The following CYP20A1 variants were observed in gnomAD, a reference collection of about 807,000 sequenced individuals.
The protein encoded by CYP20A1 is cytochrome P450 20A1.
Under a neutral mutation model 61.4 loss-of-function variants are expected in CYP20A1, and 61 were observed. The observed-to-expected ratio is 0.99, with a 90% confidence interval of 0.81 to 1.23. The LOEUF (loss-of-function observed/expected upper bound fraction) is 1.23. Among genes scored for constraint, CYP20A1 ranks in the 50% most tolerant of loss-of-function variants. The pLI, the probability that CYP20A1 is intolerant of heterozygous loss-of-function variation, is 0.00. For synonymous variants in CYP20A1, 193 were observed against 188.2 expected (o/e 1.03, Z -0.21); for missense variants, 530 against 542.4 (o/e 0.98, Z 0.23).
In CYP20A1 at chr2:203,246,906, A is replaced by G. The variant is rs1393377714; in HGVS notation, c.274A>G (p.Asn92Asp). The G allele has an allele frequency of 6.2e-7, 1 of 1,612,736 alleles. No homozygotes were observed. Among genetic ancestry groups the G allele is most frequent in the African/African-American group, 1.3e-5 (1 of 74,812 alleles). ...TGTTGATGTACTGAAGCAGCATATC[A>G]ATCCCAATAAGACATGTAAGTTTAA... The part of the protein sequence containing the change: ...GTVDVLKQHI[N>D]PNKTSDPFET... Residue 92 changes from asparagine to aspartate, a missense_variant, in exon 3 of 13, where the codon AAT becomes GAT. By Grantham distance (23) the Asn-to-Asp change is conservative. Coordinates refer to ENST00000356079, the MANE Select transcript of CYP20A1 (RefSeq NM_177538.3).
intron 9 of CYP20A1, among the ~76,000 whole-genome samples, chr2:203,286,713 G>T (rs532899762): frequency 1.3e-5 from 2 of 152,146 alleles, no homozygotes; most frequent in Non-Finnish European, 2.9e-5. Context: ...TGAAGAAAAT[G>T]AAACTATCAT....
At chr2:203,244,827 G>A (rs1409679151) in intron 1 of CYP20A1, among the ~76,000 whole-genome samples, 4 of 150,460 alleles carry the variant, frequency 2.7e-5, no homozygotes, top group Admixed American at 6.7e-5. Flanking sequence ...CCGCCTCCCA[G>A]GTTCACGCCA....
chr2:203,270,606 A>G (rs1242972684), intron 5 of CYP20A1, among the ~76,000 whole-genome samples: 1 of 152,048 alleles, frequency 6.6e-6, no homozygotes, highest in Non-Finnish European at 1.5e-5. Context: ...TCAGTATCAC[A>G]AATGTTACTG....
chr2:203,287,232 A>G (rs1430829910), intron 9 of CYP20A1, among the ~76,000 whole-genome samples: 6 of 150,874 alleles, frequency 4.0e-5, no homozygotes, highest in East Asian at 3.9e-4. Context: ...AAAAAAAAAA[A>G]AAAAAAAGAA....
At chr2:203,257,050 A>G (rs1014628883) in intron 4 of CYP20A1, among the ~76,000 whole-genome samples, 1 of 151,772 alleles carries the variant, frequency 6.6e-6, no homozygotes, top group South Asian at 2.1e-4. Flanking sequence ...AAATTTTCAC[A>G]TACAGTTGGG....
intron 4 of CYP20A1, among the ~76,000 whole-genome samples, chr2:203,260,763 A>G (rs532416989): frequency 6.6e-6 from 1 of 152,286 alleles, no homozygotes; most frequent in Non-Finnish European, 1.5e-5. Context: ...ACTTCAAGCC[A>G]TCATCTGTCC....
chr2:203,266,402 G>T, intron 4 of CYP20A1, 112 bp from the exon 5 acceptor site: 1 of 886,380 alleles, frequency 1.1e-6, no homozygotes. Context: ...CCTGAATGTT[G>T]ACTTTGGTTA....
chr2:203,273,905 C>G (rs1180623451), intron 6 of CYP20A1, among the ~76,000 whole-genome samples: 1 of 152,116 alleles, frequency 6.6e-6, no homozygotes, highest in Non-Finnish European at 1.5e-5. Flanking sequence ...TGAGATCGTG[C>G]CACTGCACTC....
chr2:203,249,506 A>C (rs565619841), intron 3 of CYP20A1, among the ~76,000 whole-genome samples: 40 of 152,334 alleles, frequency 2.6e-4, no homozygotes, highest in Admixed American at 1.0e-3. Flanking sequence ...ATGGAAAAGT[A>C]ATTTACCACC....
intron 8 of CYP20A1, among the ~76,000 whole-genome samples, chr2:203,285,381 C>T (rs1362537928): frequency 6.6e-6 from 1 of 152,058 alleles, no homozygotes; most frequent in Non-Finnish European, 1.5e-5. Flanking sequence ...AGAAAGAAGG[C>T]ATCCAGATTG....
At chr2:203,269,331 T>G (rs1198905136) in intron 5 of CYP20A1, among the ~76,000 whole-genome samples, 1 of 148,264 alleles carries the variant, frequency 6.7e-6, no homozygotes, top group Non-Finnish European at 1.5e-5. Context: ...CATGCACGCC[T>G]GTAGTCCCAG....
intron 8 of CYP20A1, among the ~76,000 whole-genome samples, chr2:203,284,503 C>T (rs940896667): frequency 1.1e-4 from 16 of 151,992 alleles, no homozygotes; most frequent in Non-Finnish European, 1.9e-4. Flanking sequence ...GTTTTTTTCT[C>T]AACATGTAAT....
At chr2:203,285,166 C>T (rs910837946) in intron 8 of CYP20A1, among the ~76,000 whole-genome samples, 4 of 152,088 alleles carry the variant, frequency 2.6e-5, no homozygotes, top group African/African-American at 4.8e-5. Flanking sequence ...ATTGATTTAT[C>T]GATAAATCTG....
intron 6 of CYP20A1, among the ~76,000 whole-genome samples, chr2:203,276,231 G>A (rs527273678): frequency 2.2e-4 from 33 of 152,302 alleles, no homozygotes; most frequent in African/African-American, 6.7e-4. Context: ...AGTGAGAAGA[G>A]GAGCAGAAGA....
rs113333205 is a variant in CYP20A1 at position 203,302,004 on chromosome 2, C to T, written c.*5096C>T. Among the ~76,000 whole-genome samples the T allele has an allele frequency of 2.7e-5, 4 of 147,954 alleles. No homozygotes were observed. Among genetic ancestry groups the T allele is most frequent in the Non-Finnish European group, 5.9e-5 (4 of 67,524 alleles). On this transcript the variant is annotated 3_prime_UTR_variant, in exon 13 of 13. Transcript: ENST00000356079. ...GCCATGGCACCATCTCGGCTCACTG[C>T]AACCTCTGCTTCCCAGGTTCAAGTG...
chr2:203,271,957 G>C (rs558474154), intron 5 of CYP20A1, among the ~76,000 whole-genome samples: 1 of 151,950 alleles, frequency 6.6e-6, no homozygotes, highest in Admixed American at 6.6e-5. Context: ...AACTCGGGAG[G>C]TGGAAGTTGC....
chr2:203,245,317 C>CGCTCG (rs1335970972), intron 1 of CYP20A1, among the ~76,000 whole-genome samples: 2 of 151,058 alleles, frequency 1.3e-5, no homozygotes, highest in Non-Finnish European at 2.9e-5. Context: ...TGAGCCACTG[C>CGCTCG]GCTCGGCTGA....
intron 10 of CYP20A1, among the ~76,000 whole-genome samples, chr2:203,291,972 TC>T (rs1433998838): frequency 2.0e-5 from 3 of 152,250 alleles, no homozygotes; most frequent in East Asian, 1.9e-4. Flanking sequence ...AATGATGGTT[TC>T]CAGCTTCATC....
At chr2:203,268,867 T>A (rs2067442191) in intron 5 of CYP20A1, among the ~76,000 whole-genome samples, 1 of 152,078 alleles carries the variant, frequency 6.6e-6, no homozygotes, top group South Asian at 2.1e-4. Context: ...CATTGTCGAG[T>A]CATGCCACCA....
Sources: gnomAD v4.1 joint callset for allele counts (sites outside exome capture counted in the v4.1 genomes callset) on GRCh38, gnomAD v4.1.1 for gene constraint, MANE v1.5 for transcripts, NCBI Gene and HGNC (gene_info 2026-07-23, HGNC 2026-07-21) for gene names.